Variants in NRXN3 observed in about 807,000 individuals in gnomAD.
The protein encoded by NRXN3 is neurexin III.
NRXN3 carries 32 observed loss-of-function variants against 137.6 expected under a neutral mutation model. The ratio of observed to expected loss-of-function variants is 0.23; its 90% CI spans 0.18 to 0.31. The LOEUF is 0.31. NRXN3 is among the 10% of genes least tolerant of loss of function. The pLI is 1.00. For missense variants in NRXN3, 1,574 were observed against 2,062.5 expected (o/e 0.76, Z 4.59); for synonymous variants, 798 against 784.5 (o/e 1.02, Z -0.29).
At chr14:78,738,281 A>C (rs1224100675) in intron 8 of NRXN3, among the ~76,000 whole-genome samples, 1 of 152,232 alleles carries the variant, frequency 6.6e-6, no homozygotes, top group Admixed American at 6.5e-5. Flanking sequence ...CCTTCCCCTT[A>C]AGGAGCCAGC....
rs112056657 is a variant in NRXN3 at position 78,743,396 on chromosome 14, T to G, written c.2044+28257T>G. 8.0e-3 allele frequency among the ~76,000 whole-genome samples: 1,216 copies of G among 152,308 alleles called. 9 individuals carry two copies. Among genetic ancestry groups the G allele is most frequent in the Non-Finnish European group, 0.014 (941 of 68,008 alleles). On this transcript the variant is annotated intron_variant, in intron 8 of 20. Coordinates refer to ENST00000335750, the MANE Select transcript of NRXN3 (RefSeq NM_001330195.2). Reference sequence around the variant, plus strand: ...TTCTATAATACTGCCAATCTCTTACTCCTTGCTATCCACATATCTTCCTGG... The same window carrying G: ...TTCTATAATACTGCCAATCTCTTACGCCTTGCTATCCACATATCTTCCTGG...
rs540007959 is a variant in NRXN3 at position 78,805,076 on chromosome 14, T to C, written c.2248+1253T>C. ...CAATCTTATCTGCTGTCAGGTCAAC[T>C]GGACACACTTGGAAAATGCCTACAT... On this transcript the variant is annotated intron_variant, in intron 9 of 20. Coordinates refer to ENST00000335750, the MANE Select transcript of NRXN3 (RefSeq NM_001330195.2). Among the ~76,000 whole-genome samples, 24 of 152,304 alleles carry C rather than the reference T, an allele frequency of 1.6e-4. 1 individual carries two copies. The South Asian group carries it at 5.0e-3, about 32-fold the overall frequency.
At chr14:78,677,928 C>T (rs1205326994) in intron 6 of NRXN3, among the ~76,000 whole-genome samples, 4 of 151,866 alleles carry the variant, frequency 2.6e-5, no homozygotes, top group Non-Finnish European at 4.4e-5. Flanking sequence ...TTTTTTTTAA[C>T]AATAAAGTGA....
chr14:79,617,672 C>A (rs978764859), intron 16 of NRXN3, among the ~76,000 whole-genome samples: 2 of 151,798 alleles, frequency 1.3e-5, no homozygotes, highest in Non-Finnish European at 2.9e-5. Context: ...CTTTCCCTAA[C>A]GAGAATGTGA....
intron 2 of NRXN3, among the ~76,000 whole-genome samples, chr14:78,264,670 C>A (rs1478547233): frequency 6.6e-6 from 1 of 152,166 alleles, no homozygotes; most frequent in Non-Finnish European, 1.5e-5. Flanking sequence ...GTCTGTTTTG[C>A]AGCCACTTGG....
intron 16 of NRXN3, among the ~76,000 whole-genome samples, chr14:79,474,050 A>G (rs1252572154): frequency 6.6e-6 from 1 of 152,108 alleles, no homozygotes; most frequent in Non-Finnish European, 1.5e-5. Flanking sequence ...GATTCCACAC[A>G]TGGTTTTGAG....
At chr14:78,953,242 T>C (rs971603256) in intron 10 of NRXN3, among the ~76,000 whole-genome samples, 5 of 152,216 alleles carry the variant, frequency 3.3e-5, no homozygotes, top group Non-Finnish European at 7.3e-5. Flanking sequence ...AATCTGATAA[T>C]AGCTGAGTGT....
chr14:79,046,773 A>G (rs10144702), intron 15 of NRXN3, among the ~76,000 whole-genome samples: 6,812 of 152,258 alleles, frequency 0.045, 547 homozygotes, highest in African/African-American at 0.16. Context: ...ATGAGATAAA[A>G]CAGCCTAGAA....
In NRXN3 at chr14:79,740,743, T is replaced by TATATATATATATATATAA. The variant is rs2098959970; in HGVS notation, c.4014+42823_4014+42824insAATATATATATATATATA. Among the ~76,000 whole-genome samples the TATATATATATATATATAA allele has an allele frequency of 6.2e-5, 3 of 48,262 alleles. 1 individual carries two copies. The highest frequency in any genetic ancestry group is 5.3e-4 in the Admixed American group (3 of 5,672). 31.7% of individuals were successfully genotyped at this position (48,262 alleles called of 152,430 possible). On this transcript the variant is annotated intron_variant, in intron 19 of 20. Coordinates refer to ENST00000335750, the MANE Select transcript of NRXN3 (RefSeq NM_001330195.2). ...ATATATATATATATATATATATATATATATATATATATATATATATATATA... is the reference window on the plus strand; with the variant it reads ...ATATATATATATATATATATATATATATATATATATATATATAAATATATATATATATATATATATATA...
intron 16 of NRXN3, among the ~76,000 whole-genome samples, chr14:79,531,901 G>C (rs1387772809): frequency 6.6e-6 from 1 of 152,178 alleles, no homozygotes; most frequent in Non-Finnish European, 1.5e-5. Context: ...TAAAAATTGA[G>C]AGTACGTTAA....
intron 19 of NRXN3, among the ~76,000 whole-genome samples, chr14:79,719,888 T>C (rs2098838229): frequency 6.6e-6 from 1 of 152,118 alleles, no homozygotes; most frequent in Non-Finnish European, 1.5e-5. Flanking sequence ...AATAAATTTA[T>C]GTATTTCAAA....
intron 1 of NRXN3, among the ~76,000 whole-genome samples, chr14:78,241,233 C>G (rs1371103654): frequency 6.6e-6 from 1 of 152,222 alleles, no homozygotes; most frequent in African/African-American, 2.4e-5. Context: ...GCCATACATA[C>G]ATCCACACAT....
chr14:78,479,185 A>G (rs959222853), intron 4 of NRXN3, among the ~76,000 whole-genome samples: 34 of 152,344 alleles, frequency 2.2e-4, no homozygotes, highest in African/African-American at 8.2e-4. Flanking sequence ...ACCAATGCCC[A>G]GGACCTTCCC....
chr14:79,084,617 T>C (rs1194930674), intron 15 of NRXN3, among the ~76,000 whole-genome samples: 2 of 152,124 alleles, frequency 1.3e-5, no homozygotes, highest in Non-Finnish European at 2.9e-5. Flanking sequence ...GTTTGGAAAA[T>C]CAGAAAATAG....
intron 19 of NRXN3, among the ~76,000 whole-genome samples, chr14:79,800,718 G>T (rs1180311072): frequency 3.9e-5 from 6 of 152,134 alleles, no homozygotes; most frequent in Non-Finnish European, 7.3e-5. Flanking sequence ...TTCAACATCA[G>T]ATCCTGCATT....
intron 4 of NRXN3, among the ~76,000 whole-genome samples, chr14:78,331,901 A>G (rs945312688): frequency 6.6e-6 from 1 of 152,252 alleles, no homozygotes; most frequent in African/African-American, 2.4e-5. Context: ...ACCTTAAAAC[A>G]AGGACCATGT....
intron 15 of NRXN3, among the ~76,000 whole-genome samples, chr14:79,223,505 A>C (rs1202883118): frequency 6.6e-6 from 1 of 152,158 alleles, no homozygotes; most frequent in Non-Finnish European, 1.5e-5. Context: ...AATCTGAAGG[A>C]ATGCAGTTAT....
At chr14:78,908,758 C>T (rs915890261) in intron 10 of NRXN3, among the ~76,000 whole-genome samples, 1 of 151,884 alleles carries the variant, frequency 6.6e-6, no homozygotes, top group Non-Finnish European at 1.5e-5. Flanking sequence ...AAAATTGCAG[C>T]AAGAACAAAC....
rs1424131398 is a variant in NRXN3 at position 79,863,068 on chromosome 14, A to C, written c.*1104A>C. 2 of 152,586 alleles carry C rather than the reference A, an allele frequency of 1.3e-5. No individual in the cohort carries two copies. The highest frequency in any genetic ancestry group is 4.8e-5 in the African/African-American group (2 of 41,424). 9.5% of individuals were successfully genotyped at this position (152,586 alleles called of 1,614,324 possible). The stretch of plus-strand genomic sequence containing the variant: ...ATCAAACCAGACAGTAGGGGAGTTC[A>C]ACTCGTGATGGAACCACAAAAGGTC... On this transcript the variant is annotated 3_prime_UTR_variant, in exon 21 of 21. Transcript: ENST00000335750.
Sources: allele counts gnomAD v4.1 joint callset (sites outside exome capture counted in the v4.1 genomes callset), GRCh38; gene constraint gnomAD v4.1.1; transcripts MANE v1.5; gene names NCBI Gene and HGNC (gene_info 2026-07-23, HGNC 2026-07-21).